CDH10: variants seen among roughly 807,000 people sequenced by gnomAD.
The protein encoded by CDH10 is cadherin-10.
CDH10 carries 30 observed loss-of-function variants against 73.1 expected under a neutral mutation model. The observed-to-expected ratio is 0.41, with a 90% confidence interval of 0.31 to 0.56. The LOEUF is 0.56. Ranked by LOEUF, CDH10 falls within the 20% of genes least tolerant of loss-of-function variation. CDH10 has a pLI of 0.27. For synonymous variants in CDH10, 345 were observed against 348.2 expected, an observed-to-expected ratio of 0.99 and a Z score of 0.10; for missense variants, 815 against 973.7, an observed-to-expected ratio of 0.84 and a Z score of 2.17.
intron 8 of CDH10, among the ~76,000 whole-genome samples, chr5:24,502,833 A>T (rs1742546713): frequency 6.6e-6 from 1 of 152,176 alleles, no homozygotes; most frequent in African/African-American, 2.4e-5. Context: ...GGTACATCTA[A>T]CTATGGGGAT....
At chr5:24,591,924 G>A (rs1164876725) in intron 2 of CDH10, among the ~76,000 whole-genome samples, 1 of 151,814 alleles carries the variant, frequency 6.6e-6, no homozygotes, top group Non-Finnish European at 1.5e-5. Context: ...AGTTTCTACA[G>A]CCCAGATTTC....
intron 2 of CDH10, among the ~76,000 whole-genome samples, chr5:24,555,424 T>C (rs1025724993): frequency 6.6e-6 from 1 of 152,092 alleles, no homozygotes; most frequent in Non-Finnish European, 1.5e-5. Context: ...CTTCCATAGA[T>C]GTGGCCACTA....
chr5:24,502,985 TATAA>T (rs1332431241), intron 8 of CDH10, among the ~76,000 whole-genome samples: 1 of 152,238 alleles, frequency 6.6e-6, no homozygotes, highest in Non-Finnish European at 1.5e-5. Context: ...AACAAGGGGC[TATAA>T]ATAGATATTT....
intron 11 of CDH10, 55 bp downstream of exon 11, chr5:24,491,521 C>T (rs2111634765): frequency 6.6e-7 from 1 of 1,503,998 alleles, no homozygotes. Context: ...CACAATTCTT[C>T]AAAATCATAC....
chr5:24,541,409 A>G (rs1017096357), intron 2 of CDH10, among the ~76,000 whole-genome samples: 1 of 152,042 alleles, frequency 6.6e-6, no homozygotes, highest in African/African-American at 2.4e-5. Context: ...TTGACTGAGT[A>G]ATGATCAGAC....
At chr5:24,585,705 T>C (rs1745970306) in intron 2 of CDH10, among the ~76,000 whole-genome samples, 1 of 152,236 alleles carries the variant, frequency 6.6e-6, no homozygotes, top group Admixed American at 6.5e-5. Flanking sequence ...ATGACAGGCA[T>C]GAGCCACCGC....
chr5:24,567,815 A>G (rs888730549), intron 2 of CDH10, among the ~76,000 whole-genome samples: 8 of 152,124 alleles, frequency 5.3e-5, no homozygotes, highest in African/African-American at 1.7e-4. Context: ...AGTACTTCTC[A>G]TAAGGACATT....
At chr5:24,597,426 C>A (rs929628896) in intron 1 of CDH10, among the ~76,000 whole-genome samples, 2 of 152,062 alleles carry the variant, frequency 1.3e-5, no homozygotes, top group Non-Finnish European at 2.9e-5. Flanking sequence ...TGCTTCAGCC[C>A]CCAGATACGT....
chr5:24,613,522 GAAAAAAAAAAAA>G (rs34515702), intron 1 of CDH10, among the ~76,000 whole-genome samples: 7 of 122,856 alleles, frequency 5.7e-5, no homozygotes, highest in African/African-American at 2.2e-4. Context: ...TCTTTGCTGG[GAAAAAAAAAAAA>G]AAAAAAAGGA....
At chr5:24,496,698 A>C (rs557534281) in intron 9 of CDH10, among the ~76,000 whole-genome samples, 1 of 152,262 alleles carries the variant, frequency 6.6e-6, no homozygotes, top group South Asian at 2.1e-4. Flanking sequence ...ACTAAAGCAC[A>C]CCTAGGAACC....
intron 5 of CDH10, among the ~76,000 whole-genome samples, chr5:24,522,178 A>C (rs1162751044): frequency 6.9e-6 from 1 of 145,552 alleles, no homozygotes; most frequent in South Asian, 2.3e-4. Context: ...AACAAAAAAA[A>C]CTAATATGTA....
Position 24,487,833 on chromosome 5 carries a change from G to A in CDH10, c.2197C>T (p.Leu733Phe), listed in dbSNP as rs1278921667. 1 of 1,613,936 alleles carries A rather than the reference G, an allele frequency of 6.2e-7. No homozygotes were observed. Among genetic ancestry groups the A allele is most frequent in the Non-Finnish European group, 8.5e-7 (1 of 1,179,944 alleles). Residue 733 changes from leucine (L) to phenylalanine (F), a missense_variant, in exon 12 of 12, where the codon CTT (leucine) becomes TTT (phenylalanine). Around this residue, in one of 3 missense-constraint regions of CDH10, gnomAD observed 241 missense variants for 240.3 expected, o/e 1.00. Coordinates refer to ENST00000264463, the MANE Select transcript of CDH10 (RefSeq NM_006727.5). ...TTTCCTTCATAGGCATAGGTTGCAA[G>A]TGAGTCGTAGGGGGGTGCGGTGGGG... ...LDPTAPPYDSLATYAYEGNDS... is the reference protein window; with the variant it reads ...LDPTAPPYDSFATYAYEGNDS...
At chr5:24,584,287 T>C (rs1289060995) in intron 2 of CDH10, among the ~76,000 whole-genome samples, 2 of 152,078 alleles carry the variant, frequency 1.3e-5, no homozygotes, top group Admixed American at 6.6e-5. Context: ...ATACAGATGA[T>C]GAGAAAGGTC....
At chr5:24,554,116 G>GAGAGA (rs1561159236) in intron 2 of CDH10, 1 of 26,336 alleles carries the variant, frequency 3.8e-5, no homozygotes. Flanking sequence ...GTGGGCGGGG[G>GAGAGA]GGGGAGAGAG....
chr5:24,516,992 T>C (rs1002890158), intron 5 of CDH10, among the ~76,000 whole-genome samples: 3 of 152,138 alleles, frequency 2.0e-5, no homozygotes, highest in Non-Finnish European at 4.4e-5. Flanking sequence ...ATGTATTGAA[T>C]ATAAAAATCT....
At chr5:24,546,911 G>A (rs1197119520) in intron 2 of CDH10, among the ~76,000 whole-genome samples, 1 of 152,052 alleles carries the variant, frequency 6.6e-6, no homozygotes, top group Admixed American at 6.6e-5. Context: ...CAATGATTTT[G>A]GAAAGCCTGA....
rs56666966 is a variant in CDH10 at position 24,563,775 on chromosome 5, CAAAAAAA to C, written c.232-26108_232-26102del. 2.6e-3 allele frequency among the ~76,000 whole-genome samples: 338 copies of C among 128,748 alleles called. 4 individuals carry two copies. Among genetic ancestry groups the C allele is most frequent in the Middle Eastern group, 4.1e-3 (1 of 244 alleles). 84.5% of individuals were successfully genotyped at this position (128,748 alleles called of 152,430 possible). A position where few individuals can be genotyped will look rare whatever the true frequency, so the allele number is the denominator to read the frequency against. ...CAGAGCGAGACTCCGCCCCCTCCAC[CAAAAAAA>C]AAAAAAAAAAAAAAAAAGAGAAAAA... On this transcript the variant is annotated intron_variant, in intron 2 of 11. Coordinates refer to ENST00000264463, the MANE Select transcript of CDH10 (RefSeq NM_006727.5).
Position 24,535,804 on chromosome 5 carries a change from A to G in CDH10, c.545T>C (p.Val182Ala), listed in dbSNP as rs2111883971. ...AGGGTCATCGGCATCTGTAGCTGTG[A>G]CTTGCACCACAGAAGTACCTGAAGT... is the stretch of plus-strand genomic sequence containing the variant. ...MSVVGTSVVQVTATDADDPSY... is the reference protein window; with the variant it reads ...MSVVGTSVVQATATDADDPSY... The change falls in exon 4 of 12, where the codon GTC becomes GCC. Residue 182 changes from valine to alanine, a missense_variant. Val to Ala is a moderately conservative substitution (Grantham distance 64). This residue lies in a region of CDH10 where 516 missense variants were observed against 636.6 expected (regional missense o/e 0.81). Transcript: ENST00000264463. 6.2e-7 allele frequency: 1 copy of G among 1,609,540 alleles called. No homozygotes were observed. The highest frequency in any genetic ancestry group is 8.5e-7 in the Non-Finnish European group (1 of 1,176,838).
chr5:24,509,904 G>A (rs1282249234), intron 6 of CDH10, 85 bp from the exon 7 acceptor site: 1 of 1,016,220 alleles, frequency 9.8e-7, no homozygotes. Context: ...TTTTTAAGTT[G>A]TGGTTGAGTT....
Sources: allele counts gnomAD v4.1 joint callset (sites outside exome capture counted in the v4.1 genomes callset), GRCh38; gene constraint gnomAD v4.1.1; regional missense constraint gnomAD v4.1.1; transcripts MANE v1.5; gene names NCBI Gene and HGNC (gene_info 2026-07-23, HGNC 2026-07-21).